Variants in GABRB2 observed in about 807,000 individuals in gnomAD.
GABRB2 encodes the protein gamma-aminobutyric acid receptor subunit beta-2.
A neutral mutation model predicts 54.7 loss-of-function variants in GABRB2; 16 were observed. That is an observed-to-expected ratio of 0.29 (90% CI 0.20 to 0.44). The LOEUF is 0.44. Ranked by LOEUF, GABRB2 falls within the 20% of genes least tolerant of loss-of-function variation. The pLI is 1.00. For synonymous variants in GABRB2, 244 were observed against 233.8 expected (o/e 1.04, Z -0.40); for missense variants, 355 against 644.0 (o/e 0.55, Z 4.86).
intron 3 of GABRB2, among the ~76,000 whole-genome samples, chr5:161,483,377 C>CA (rs1758823108): frequency 6.6e-6 from 1 of 151,672 alleles, no homozygotes; most frequent in South Asian, 2.1e-4. Context: ...GATTGCCTCT[C>CA]AAAAAATAAT....
intron 9 of GABRB2, among the ~76,000 whole-genome samples, chr5:161,308,765 G>T (rs1161897530): frequency 6.6e-6 from 1 of 152,150 alleles, no homozygotes; most frequent in Non-Finnish European, 1.5e-5. Flanking sequence ...AATGGGGAAA[G>T]GAATCCTATT....
chr5:161,504,786 G>A (rs1482781848), intron 3 of GABRB2, among the ~76,000 whole-genome samples: 1 of 147,204 alleles, frequency 6.8e-6, no homozygotes, highest in Non-Finnish European at 1.5e-5. Flanking sequence ...CCACAGATCC[G>A]AAAGGAATTA....
At chr5:161,344,855 C>T (rs1187653158) in intron 5 of GABRB2, among the ~76,000 whole-genome samples, 2 of 152,124 alleles carry the variant, frequency 1.3e-5, no homozygotes, top group Non-Finnish European at 2.9e-5. Flanking sequence ...CCATAGAATA[C>T]TATGCAGCCA....
chr5:161,503,492 T>C (rs772672768), intron 3 of GABRB2, among the ~76,000 whole-genome samples: 3 of 152,050 alleles, frequency 2.0e-5, no homozygotes, highest in Non-Finnish European at 2.9e-5. Flanking sequence ...GCAGATCACC[T>C]GAGGTTGGGA....
chr5:161,310,701 ATTTT>A (rs1325020554), intron 9 of GABRB2, among the ~76,000 whole-genome samples: 1 of 151,148 alleles, frequency 6.6e-6, no homozygotes, highest in Non-Finnish European at 1.5e-5. Flanking sequence ...ACACACACAG[ATTTT>A]TTAATATCTT....
intron 3 of GABRB2, among the ~76,000 whole-genome samples, chr5:161,508,921 A>G (rs978725930): frequency 5.3e-5 from 8 of 152,044 alleles, no homozygotes; most frequent in African/African-American, 1.9e-4. Flanking sequence ...CCTCTATTGT[A>G]TAAGTAAGGT....
At chr5:161,513,988 T>G (rs1365025145) in intron 3 of GABRB2, among the ~76,000 whole-genome samples, 1 of 152,110 alleles carries the variant, frequency 6.6e-6, no homozygotes, top group East Asian at 1.9e-4. Context: ...ACAAATTCAT[T>G]TCAGTCAGTC....
chr5:161,540,780 A>C (rs776099128), intron 3 of GABRB2, among the ~76,000 whole-genome samples: 50 of 152,072 alleles, frequency 3.3e-4, no homozygotes, highest in Non-Finnish European at 7.1e-4. Context: ...GACTAGGTGC[A>C]TTGTCAATGA....
At chr5:161,433,445 C>CA (rs11354322) in intron 4 of GABRB2, among the ~76,000 whole-genome samples, 2,025 of 121,808 alleles carry the variant, frequency 0.017, 14 homozygotes, top group African/African-American at 0.025. Flanking sequence ...ACTAAAAATA[C>CA]AAAAAAAAAA....
Position 161,459,747 on chromosome 5 carries a change from G to C in GABRB2, c.335C>G (p.Ala112Gly). The C allele has an allele frequency of 6.2e-7, 1 of 1,613,340 alleles. No homozygotes were observed. Among genetic ancestry groups the C allele is most frequent in the South Asian group, 1.1e-5 (1 of 91,074 alleles). ...PLNLTLDNRV[A>G]DQLWVPDTYF... Reference sequence around the variant, plus strand: ...GGTATCAGGCACCCAGAGCTGGTCTGCCACTCTGTTGTCCAGAGTCAAGTT... The same window carrying C: ...GGTATCAGGCACCCAGAGCTGGTCTCCCACTCTGTTGTCCAGAGTCAAGTT... The change falls in exon 4 of 10, where the codon GCA (alanine) becomes GGA (glycine). Residue 112 changes from alanine to glycine, a missense_variant. Coordinates refer to ENST00000393959, the MANE Select transcript of GABRB2 (RefSeq NM_001371727.1).
intron 3 of GABRB2, among the ~76,000 whole-genome samples, chr5:161,461,501 G>A (rs2113269563): frequency 6.6e-6 from 1 of 152,094 alleles, no homozygotes. Flanking sequence ...CTAATCAGAA[G>A]GTTATTATGA....
chr5:161,390,147 C>A (rs1231026964), intron 5 of GABRB2, among the ~76,000 whole-genome samples: 1 of 152,032 alleles, frequency 6.6e-6, no homozygotes, highest in Non-Finnish European at 1.5e-5. Flanking sequence ...CCAGTTTAAT[C>A]ATGTTGACCT....
chr5:161,358,168 C>A (rs1158382072), intron 5 of GABRB2, among the ~76,000 whole-genome samples: 2 of 151,998 alleles, frequency 1.3e-5, no homozygotes, highest in East Asian at 1.9e-4. Flanking sequence ...AGAAGGAAAC[C>A]TATTAAGAGT....
chr5:161,424,240 C>T lies in GABRB2; in HGVS notation c.459-13183G>A, dbSNP rs537943471. Among the ~76,000 whole-genome samples the T allele has an allele frequency of 2.8e-4, 43 of 152,224 alleles. No homozygotes were observed. The South Asian group carries it at 5.2e-3, about 18-fold the overall frequency. On this transcript the variant is annotated intron_variant, in intron 4 of 9. Transcript: ENST00000393959. ...CAATGAAGGTGGCTACTCCACACAACGGAGTTTAAGTGTAGACAAAACAGC... is the reference window on the plus strand; with the variant it reads ...CAATGAAGGTGGCTACTCCACACAATGGAGTTTAAGTGTAGACAAAACAGC...
chr5:161,478,773 T>C (rs75117575), intron 3 of GABRB2, among the ~76,000 whole-genome samples: 2,876 of 152,114 alleles, frequency 0.019, 86 homozygotes, highest in African/African-American at 0.066. Context: ...GTCCATCCCA[T>C]CTTAACTGAC....
At chr5:161,457,298 A>G (rs1757983943) in intron 4 of GABRB2, among the ~76,000 whole-genome samples, 2 of 152,220 alleles carry the variant, frequency 1.3e-5, no homozygotes, top group African/African-American at 2.4e-5. Context: ...TTATTTTCCA[A>G]TGACATGAAT....
At chr5:161,534,606 G>A (rs540388437) in intron 3 of GABRB2, among the ~76,000 whole-genome samples, 2 of 152,046 alleles carry the variant, frequency 1.3e-5, no homozygotes, top group Non-Finnish European at 2.9e-5. Context: ...TCAAGTCAGA[G>A]GATTGTTGAA....
intron 4 of GABRB2, among the ~76,000 whole-genome samples, chr5:161,452,472 A>T (rs964859277): frequency 6.6e-6 from 1 of 152,202 alleles, no homozygotes; most frequent in Non-Finnish European, 1.5e-5. Flanking sequence ...ATTTTAAGTG[A>T]ATAATAGTCT....
chr5:161,310,677 GCA>G (rs71579135), intron 9 of GABRB2, among the ~76,000 whole-genome samples: 24,938 of 150,528 alleles, frequency 0.17, 3,388 homozygotes, highest in African/African-American at 0.37. Context: ...GCGCACGCGC[GCA>G]CACACACACA....
Sources: gnomAD v4.1 joint callset for allele counts (sites outside exome capture counted in the v4.1 genomes callset) on GRCh38, gnomAD v4.1.1 for gene constraint, MANE v1.5 for transcripts, NCBI Gene and HGNC (gene_info 2026-07-23, HGNC 2026-07-21) for gene names.